The following WDR33 variants were observed in gnomAD, a reference collection of about 807,000 sequenced individuals.
WDR33 encodes the protein WD repeat domain 33.
Under a neutral mutation model 164.9 loss-of-function variants are expected in WDR33, and 47 were observed. The observed-to-expected ratio is 0.29, with a 90% CI of 0.23 to 0.36. The LOEUF (loss-of-function observed/expected upper bound fraction) is 0.36. Among genes scored for constraint, WDR33 ranks in the 10% least tolerant of loss-of-function variants. The pLI is 1.00. For missense variants in WDR33, 1,137 were observed against 1,754.1 expected (o/e 0.65, Z 6.28); for synonymous variants, 505 against 589.0 (o/e 0.86, Z 2.06).
chr2:127,701,188 C>T lies in WDR33; in HGVS notation c.*5135G>A, dbSNP rs1398409823. 2 of 195,908 alleles carry T rather than the reference C, an allele frequency of 1.0e-5. No homozygotes were observed. Among genetic ancestry groups the T allele is most frequent in the African/African-American group, 2.3e-5 (1 of 43,134 alleles). 12.1% of individuals were successfully genotyped at this position (195,908 alleles called of 1,614,324 possible). A position where few individuals can be genotyped will look rare whatever the true frequency, so the allele number is the denominator to read the frequency against. The stretch of plus-strand genomic sequence containing the variant: ...TGAGGCCATAAGACATTTCCGTCAG[C>T]AAAAGGGTCACTTCTTGTGCCCCTT... On this transcript the variant is annotated 3_prime_UTR_variant, in exon 22 of 22. Transcript: ENST00000322313.
rs1019251315 is a variant in WDR33, at chr2:127,763,352, A to G, written c.627-193T>C. On this transcript the variant is annotated intron_variant, in intron 6 of 21. Coordinates refer to ENST00000322313, the MANE Select transcript of WDR33 (RefSeq NM_018383.5). This position sits in a 1 kb window ranked among gnomAD's most constrained non-coding sequence, Gnocchi z 4.5. ...CATCAAAAGAAGACTTCAACAGAGC[A>G]GTTGTTTGAGTTTTCAATCATCAGT... 7.1e-7 allele frequency: 1 copy of G among 1,403,232 alleles called. No individual in the cohort carries two copies. The highest frequency in any genetic ancestry group is 9.3e-7 in the Non-Finnish European group (1 of 1,079,484). The allele number at this position is 1,403,232 out of a possible 1,614,324, so 86.9% of individuals were successfully genotyped here. A position where few individuals can be genotyped will look rare whatever the true frequency, so the allele number is the denominator to read the frequency against.
At chr2:127,750,865 C>T (rs1198427674) in intron 7 of WDR33, among the ~76,000 whole-genome samples, 1 of 149,048 alleles carries the variant, frequency 6.7e-6, no homozygotes, top group Non-Finnish European at 1.5e-5. Context: ...AATAAAACAG[C>T]TAATTCAAAA....
rs1366541719 is a variant in WDR33 at position 127,726,933 on chromosome 2, A to G, written c.725-156T>C. 6.6e-6 allele frequency among the ~76,000 whole-genome samples: 1 copy of G among 152,018 alleles called. No individual in the cohort carries two copies. Among genetic ancestry groups the G allele is most frequent in the East Asian group, 1.9e-4 (1 of 5,186 alleles). ...CTCTTTGGCCTCTGTGTGTCTGGAA[A>G]TTTTTCAGATACAGTATCCTCTCCT... is the stretch of plus-strand genomic sequence containing the variant. On this transcript the variant is annotated intron_variant, in intron 7 of 21. Coordinates refer to ENST00000322313, the MANE Select transcript of WDR33 (RefSeq NM_018383.5). The surrounding 1 kb of genome is among the most constrained non-coding windows in gnomAD (Gnocchi z 4.8).
In WDR33 at chr2:127,716,713, A is replaced by G. The variant is rs993527913; in HGVS notation, c.2869+442T>C. Among the ~76,000 whole-genome samples, 1 of 152,252 alleles carries G rather than the reference A, an allele frequency of 6.6e-6. No homozygotes were observed. Among genetic ancestry groups the G allele is most frequent in the Non-Finnish European group, 1.5e-5 (1 of 68,050 alleles). On this transcript the variant is annotated intron_variant, in intron 17 of 21. Transcript: ENST00000322313. This position sits in a 1 kb window ranked among gnomAD's most constrained non-coding sequence, Gnocchi z 4.5. ...GGCTAGAGTGCTTTCTTCTTTTCAA[A>G]TGGTGCACAACTACATAACCAGCTG...
Position 127,718,334 on chromosome 2 carries a change from T to C in WDR33, c.2760+931A>G, listed in dbSNP as rs751034589. Reference sequence around the variant, plus strand: ...AGGGAGTCAACATTAGCTGACTCGCTCACTTTTGGTCCACACTGGACCAAA... The same window carrying C: ...AGGGAGTCAACATTAGCTGACTCGCCCACTTTTGGTCCACACTGGACCAAA... On this transcript the variant is annotated intron_variant, in intron 16 of 21. Coordinates refer to ENST00000322313, the MANE Select transcript of WDR33 (RefSeq NM_018383.5). This position sits in a 1 kb window ranked among gnomAD's most constrained non-coding sequence, Gnocchi z 4.4. Among the ~76,000 whole-genome samples, 39 of 152,074 alleles carry C rather than the reference T, an allele frequency of 2.6e-4. No individual in the cohort carries two copies. The highest frequency in any genetic ancestry group is 5.1e-4 in the Non-Finnish European group (35 of 68,016).
chr2:127,801,797 T>C (rs1689257721), intron 1 of WDR33, among the ~76,000 whole-genome samples: 2 of 152,182 alleles, frequency 1.3e-5, no homozygotes, highest in East Asian at 1.9e-4. Context: ...GGCAGGATAA[T>C]TGTTTGAACC....
rs1686019422 is a variant in WDR33, at chr2:127,706,561, A to G, written c.3782-9T>C. The G allele has an allele frequency of 6.3e-7, 1 of 1,584,728 alleles. No individual in the cohort carries two copies. Among genetic ancestry groups the G allele is most frequent in the Non-Finnish European group, 8.5e-7 (1 of 1,170,836 alleles). ...TCCTGGGCCCCCTCGGCCTGAAACA[A>G]AGAAAATTTCACATGGGACTTTTTG... On this transcript the variant is annotated splice_polypyrimidine_tract_variant and intron_variant, in intron 21 of 21. Coordinates refer to ENST00000322313, the MANE Select transcript of WDR33 (RefSeq NM_018383.5). This position sits in a 1 kb window ranked among gnomAD's most constrained non-coding sequence, Gnocchi z 5.1.
At chr2:127,711,771 TATATATATA>T (rs200241167) in intron 18 of WDR33, among the ~76,000 whole-genome samples, 35 of 85,450 alleles carry the variant, frequency 4.1e-4, no homozygotes, top group East Asian at 5.4e-4. Flanking sequence ...TATATATATA[TATATATATA>T]TTTTTTTTTT....
At chr2:127,792,070 C>T (rs1285139836) in intron 1 of WDR33, among the ~76,000 whole-genome samples, 1 of 151,900 alleles carries the variant, frequency 6.6e-6, no homozygotes, top group African/African-American at 2.4e-5. Flanking sequence ...TCCTGAGTAG[C>T]TGGGATTATA....
chr2:127,762,038 CTG>C (rs920431005), intron 7 of WDR33, among the ~76,000 whole-genome samples: 2 of 152,184 alleles, frequency 1.3e-5, no homozygotes, highest in Non-Finnish European at 2.9e-5. Context: ...CTCTGAAAAA[CTG>C]TGAGAAACTT....
intron 7 of WDR33, among the ~76,000 whole-genome samples, chr2:127,758,634 G>A (rs1048333578): frequency 6.6e-6 from 1 of 152,100 alleles, no homozygotes; most frequent in African/African-American, 2.4e-5. Flanking sequence ...GAGTATAATG[G>A]GGAGGGGTGA....
intron 1 of WDR33, among the ~76,000 whole-genome samples, chr2:127,784,851 T>C (rs1443993921): frequency 6.6e-6 from 1 of 152,206 alleles, no homozygotes; most frequent in African/African-American, 2.4e-5. Flanking sequence ...TTTTATCACA[T>C]TCCTTATAAA....
intron 1 of WDR33, among the ~76,000 whole-genome samples, chr2:127,775,831 G>A (rs1688169270): frequency 6.6e-6 from 1 of 151,886 alleles, no homozygotes; most frequent in Non-Finnish European, 1.5e-5. Flanking sequence ...AGTACCAATG[G>A]TGTTTCAGAA....
intron 7 of WDR33, among the ~76,000 whole-genome samples, chr2:127,727,914 A>G (rs1470527524): frequency 6.6e-6 from 1 of 152,226 alleles, no homozygotes; most frequent in Non-Finnish European, 1.5e-5. Flanking sequence ...GACGGGGTAG[A>G]GGCACCGACA....
At position 127,708,793 on chromosome 2, in the gene WDR33, C is replaced by A; in HGVS notation, c.3665G>T (p.Gly1222Val). Residue 1222 changes from glycine to valine, a missense_variant, in exon 21 of 22, where the codon GGC becomes GTC. Gly to Val is a moderately radical substitution (Grantham distance 109). This residue lies in a region of WDR33 where 867 missense variants were observed against 1,073.0 expected (regional missense o/e 0.81). Coordinates refer to ENST00000322313, the MANE Select transcript of WDR33 (RefSeq NM_018383.5). This position sits in a 1 kb window ranked among gnomAD's most constrained non-coding sequence, Gnocchi z 6.7. ...GGGAGGTAGGGATGCCATGTCCATG[C>A]CTTGGAGAGAAGAGGAGCGTTCTCT... is the stretch of plus-strand genomic sequence containing the variant. ...ASRERSSSLQGMDMASLPPRK... is the reference protein window; with the variant it reads ...ASRERSSSLQVMDMASLPPRK... 1 of 1,613,788 alleles carries A rather than the reference C, an allele frequency of 6.2e-7. No individual in the cohort carries two copies. Among genetic ancestry groups the A allele is most frequent in the Non-Finnish European group, 8.5e-7 (1 of 1,179,852 alleles).
At position 127,702,405 on chromosome 2, in the gene WDR33, C is replaced by CT. The variant is rs1389682551; in HGVS notation, c.*3917dup. ...CTGGACTTGGCACACGCTCTGAAAACTGAGATTTTGTCATTGAACTGGTGA... is the reference window on the plus strand; with the variant it reads ...CTGGACTTGGCACACGCTCTGAAAACTTGAGATTTTGTCATTGAACTGGTGA... On this transcript the variant is annotated 3_prime_UTR_variant, in exon 22 of 22. Coordinates refer to ENST00000322313, the MANE Select transcript of WDR33 (RefSeq NM_018383.5). 1.6e-5 allele frequency: 5 copies of CT among 317,010 alleles called. No homozygotes were observed. Among genetic ancestry groups the CT allele is most frequent in the Non-Finnish European group, 2.9e-5 (5 of 169,618 alleles). 19.6% of individuals were successfully genotyped at this position (317,010 alleles called of 1,614,324 possible). A position where few individuals can be genotyped will look rare whatever the true frequency, so the allele number is the denominator to read the frequency against.
chr2:127,806,546 G>C (rs1689448971), intron 1 of WDR33, among the ~76,000 whole-genome samples: 1 of 152,000 alleles, frequency 6.6e-6, no homozygotes, highest in Non-Finnish European at 1.5e-5. Context: ...CCTTAGCTAT[G>C]AATTTAAAGT....
intron 7 of WDR33, 170 bp downstream of exon 7, chr2:127,762,892 A>T: frequency 2.1e-6 from 3 of 1,417,966 alleles, no homozygotes; most frequent in Non-Finnish European, 2.8e-6. Context: ...AAACCTACAA[A>T]ATGACTGTGA....
At position 127,764,715 on chromosome 2, in the gene WDR33, G is replaced by T. The variant is rs1284888329; in HGVS notation, c.626+113C>A. ...AAAAATATTGTGTTTATAGGGTGCA[G>T]AAAGTTTCCCAGAAACTGACAGAGC... On this transcript the variant is annotated intron_variant, in intron 6 of 21. Coordinates refer to ENST00000322313, the MANE Select transcript of WDR33 (RefSeq NM_018383.5). The surrounding 1 kb of genome is among the most constrained non-coding windows in gnomAD (Gnocchi z 6.2). 2 of 1,613,780 alleles carry T rather than the reference G, an allele frequency of 1.2e-6. No individual in the cohort carries two copies. The highest frequency in any genetic ancestry group is 1.1e-5 in the South Asian group (1 of 91,052).
Sources: allele counts gnomAD v4.1 joint callset (sites outside exome capture counted in the v4.1 genomes callset), GRCh38; gene constraint gnomAD v4.1.1; regional missense constraint gnomAD v4.1.1; non-coding constraint Gnocchi (gnomAD v3.1); transcripts MANE v1.5; gene names NCBI Gene and HGNC (gene_info 2026-07-23, HGNC 2026-07-21).